Variants in MTMR14 observed in about 807,000 individuals in gnomAD.
MTMR14 encodes the protein myotubularin related protein 14, also known as phosphatidylinositol-3,5-bisphosphate 3-phosphatase MTMR14.
In MTMR14, 48 loss-of-function variants were observed where a neutral mutation model predicts 86.3. The ratio of observed to expected loss-of-function variants is 0.56; its 90% CI spans 0.44 to 0.71. The LOEUF is 0.71. Among genes scored for constraint, MTMR14 ranks in the 30% least tolerant of loss-of-function variants. MTMR14 has a pLI of 0.00. For missense variants in MTMR14, 780 were observed against 834.6 expected, an observed-to-expected ratio of 0.93 and a Z score of 0.81; for synonymous variants, 366 against 326.1, an observed-to-expected ratio of 1.12 and a Z score of -1.32.
At chr3:9,681,530 G>C (rs536812878) in intron 9 of MTMR14, among the ~76,000 whole-genome samples, 6 of 152,284 alleles carry the variant, frequency 3.9e-5, no homozygotes, top group South Asian at 2.1e-4. Flanking sequence ...AATTGGTCTG[G>C]GCCTTTGAAG....
At position 9,683,198 on chromosome 3, in the gene MTMR14, A is replaced by G. The variant is rs2075826888; in HGVS notation, c.918A>G (p.Gln306=). 1 of 1,614,202 alleles carries G rather than the reference A, an allele frequency of 6.2e-7. No individual in the cohort carries two copies. The highest frequency in any genetic ancestry group is 8.5e-7 in the Non-Finnish European group (1 of 1,180,024). Residue 306 remains glutamine (Q), a synonymous_variant, in exon 10 of 19, where the codon CAA becomes CAG. Transcript: ENST00000296003. ...SQYQCWDLVQ[Q]TQNYLKLLLS... ...AACAGTGTTGGGATCTGGTGCAACAAACACAAAACTACCTGAAGCTGCTGC... is the reference window on the plus strand; with the variant it reads ...AACAGTGTTGGGATCTGGTGCAACAGACACAAAACTACCTGAAGCTGCTGC...
At chr3:9,694,842 C>T (rs759024706) in intron 17 of MTMR14, among the ~76,000 whole-genome samples, 7 of 152,140 alleles carry the variant, frequency 4.6e-5, no homozygotes, top group Non-Finnish European at 1.0e-4. Context: ...AGTTGGGAGC[C>T]GGTAGGAACT....
intron 16 of MTMR14, 55 bp downstream of exon 16, chr3:9,689,137 G>C: frequency 1.1e-5 from 17 of 1,598,912 alleles, no homozygotes; most frequent in Non-Finnish European, 1.4e-5. Context: ...GGGGCCATCA[G>C]CACCAGGGAG....
At chr3:9,671,231 G>A in intron 6 of MTMR14, 61 bp downstream of exon 6, 1 of 1,611,444 alleles carries the variant, frequency 6.2e-7, no homozygotes, top group Non-Finnish European at 8.5e-7. Context: ...TGCAGGGCTG[G>A]CGTTAGTATG....
At chr3:9,688,038 G>T in intron 14 of MTMR14, 147 bp downstream of exon 14, 2 of 745,920 alleles carry the variant, frequency 2.7e-6, no homozygotes, top group Non-Finnish European at 4.6e-6. Flanking sequence ...TCTGAGGCCA[G>T]GGTAGGGGTC....
chr3:9,689,338 G>A (rs890604496), intron 16 of MTMR14, among the ~76,000 whole-genome samples: 2 of 152,210 alleles, frequency 1.3e-5, no homozygotes, highest in Non-Finnish European at 2.9e-5. Context: ...GCAGGGTAGG[G>A]CAGGGGTCTG....
rs531916992 is a variant in MTMR14, at chr3:9,678,068, C to T, written c.897+10C>T. The T allele has an allele frequency of 3.8e-5, 62 of 1,613,842 alleles. 4 individuals carry two copies. In the South Asian group the frequency reaches 6.8e-4, roughly 18 times the overall value. On this transcript the variant is annotated intron_variant, in intron 9 of 18. Transcript: ENST00000296003. ...CTGGAGCCAGTATCAGGTGAGGGGC[C>T]TGACTCAAGCATTGAGGGCAGGATA... is the stretch of plus-strand genomic sequence containing the variant.
At chr3:9,684,527 G>A (rs1201494752) in intron 10 of MTMR14, 58 bp from the exon 11 acceptor site, 2 of 1,560,500 alleles carry the variant, frequency 1.3e-6, no homozygotes, top group Admixed American at 3.3e-5. Flanking sequence ...GGTACTTCCT[G>A]CTCATCGGCC....
chr3:9,663,630 T>C (rs1335458456), intron 3 of MTMR14, among the ~76,000 whole-genome samples: 16 of 135,494 alleles, frequency 1.2e-4, no homozygotes, highest in South Asian at 2.5e-4. Context: ...TCTCCTGCCT[T>C]AGCCTCCCGA....
At position 9,653,751 on chromosome 3, in the gene MTMR14, C is replaced by T. The variant is rs575010982; in HGVS notation, c.290C>T (p.Ser97Phe). 2.5e-6 allele frequency: 4 copies of T among 1,614,140 alleles called. No individual in the cohort carries two copies. The East Asian group carries it at 8.9e-5, about 36-fold the overall frequency. ...RHIVFLEYES[S>F]EKEKDTFEST... The stretch of plus-strand genomic sequence containing the variant: ...ATCGTGTTCCTGGAGTATGAGAGTT[C>T]TGAGAAGGAGAAAGACACGTGAGCA... The change falls in exon 2 of 19, where the codon TCT becomes TTT. Residue 97 changes from serine (S) to phenylalanine (F), a missense_variant. By Grantham distance (155) the Ser-to-Phe change is radical. Transcript: ENST00000296003.
rs969909270 is a variant in MTMR14, at chr3:9,686,155, T to C, written c.1164+908T>C. 9.2e-5 allele frequency among the ~76,000 whole-genome samples: 14 copies of C among 152,262 alleles called. No individual in the cohort carries two copies. In the East Asian group the frequency reaches 1.7e-3, roughly 19 times the overall value. On this transcript the variant is annotated intron_variant, in intron 13 of 18. Coordinates refer to ENST00000296003, the MANE Select transcript of MTMR14 (RefSeq NM_001077525.3). The stretch of plus-strand genomic sequence containing the variant: ...TCAGCTGCTCCTCTCCTCTTCCAAA[T>C]CTCTTCTTCTGAACACTTATCGCGT...
Position 9,689,969 on chromosome 3 carries a change from A to G in MTMR14, c.1439A>G (p.Lys480Arg). The change falls in exon 17 of 19, where the codon AAG becomes AGG. Residue 480 changes from lysine (K) to arginine (R), a missense_variant. Coordinates refer to ENST00000296003, the MANE Select transcript of MTMR14 (RefSeq NM_001077525.3). Reference sequence around the variant, plus strand: ...CCCTGCTCCTTCCACTGCAGGAGGAAGAGCCACTCATCCTCTCCACAGAGT... The same window carrying G: ...CCCTGCTCCTTCCACTGCAGGAGGAGGAGCCACTCATCCTCTCCACAGAGT... ...AGAPTQAAWRKSHSSSPQSVL... is the reference protein window; with the variant it reads ...AGAPTQAAWRRSHSSSPQSVL... 1 of 1,609,868 alleles carries G rather than the reference A, an allele frequency of 6.2e-7. No homozygotes were observed. The highest frequency in any genetic ancestry group is 1.1e-5 in the South Asian group (1 of 90,444).
chr3:9,668,878 G>T, intron 4 of MTMR14, 84 bp downstream of exon 4: 2 of 1,394,428 alleles, frequency 1.4e-6, no homozygotes, highest in Non-Finnish European at 2.0e-6. Flanking sequence ...CATGCCTCAC[G>T]CCTGTAATCT....
chr3:9,663,273 G>A (rs552347893), intron 3 of MTMR14, among the ~76,000 whole-genome samples: 30 of 152,166 alleles, frequency 2.0e-4, no homozygotes, highest in Non-Finnish European at 3.4e-4. Context: ...AATGGGGAGA[G>A]TCTGACTGTT....
rs1256555404 is a variant in MTMR14 at position 9,684,494 on chromosome 3, T to G, written c.965-91T>G. ...AAGACAGAAGCTGGTGGGGCCTGGC[T>G]CCCTCCACCAGGCCAAGCTGGTGGT... is the stretch of plus-strand genomic sequence containing the variant. On this transcript the variant is annotated intron_variant, in intron 10 of 18. Coordinates refer to ENST00000296003, the MANE Select transcript of MTMR14 (RefSeq NM_001077525.3). The G allele has an allele frequency of 9.7e-6, 12 of 1,233,446 alleles. No individual in the cohort carries two copies. The East Asian group carries it at 2.3e-4, about 24-fold the overall frequency. 76.4% of individuals were successfully genotyped at this position (1,233,446 alleles called of 1,614,324 possible).
chr3:9,683,035 T>C, intron 9 of MTMR14, 143 bp from the exon 10 acceptor site: 1 of 669,122 alleles, frequency 1.5e-6, no homozygotes, highest in Non-Finnish European at 2.6e-6. Context: ...TGTCCCAGAT[T>C]ATCTGGGATT....
At position 9,649,523 on chromosome 3, in the gene MTMR14, T is replaced by C. The variant is rs2047154087; in HGVS notation, c.-61T>C. 1 of 1,492,304 alleles carries C rather than the reference T, an allele frequency of 6.7e-7. No individual in the cohort carries two copies. The highest frequency in any genetic ancestry group is 8.9e-7 in the Non-Finnish European group (1 of 1,123,940). 92.4% of individuals were successfully genotyped at this position (1,492,304 alleles called of 1,614,324 possible). A position where few individuals can be genotyped will look rare whatever the true frequency, so the allele number is the denominator to read the frequency against. On this transcript the variant is annotated 5_prime_UTR_variant, in exon 1 of 19. Coordinates refer to ENST00000296003, the MANE Select transcript of MTMR14 (RefSeq NM_001077525.3). ...GTTCCGGAGGTTCTAGTGTCGGAGT[T>C]GGGTGCAGGCAGGTGCCATGGGCCC...
At chr3:9,686,169 C>T (rs1247031365) in intron 13 of MTMR14, among the ~76,000 whole-genome samples, 1 of 152,242 alleles carries the variant, frequency 6.6e-6, no homozygotes, top group Non-Finnish European at 1.5e-5. Context: ...TTCTTCTGAA[C>T]ACTTATCGCG....
Position 9,701,821 on chromosome 3 carries a change from C to G in MTMR14, c.1801C>G (p.Leu601Val). ...LAALSDRETR[L>V]QEVRSAFLAA... ...AGCCCTGAGTGATCGAGAGACTCGG[C>G]TGCAGGAGGTGCGCTCAGCCTTCTT... Residue 601 changes from leucine (L) to valine (V), a missense_variant, in exon 19 of 19, where the codon CTG (leucine) becomes GTG (valine). Transcript: ENST00000296003. This position sits in a 1 kb window ranked among gnomAD's most constrained non-coding sequence, Gnocchi z 4.2. 1 of 1,613,776 alleles carries G rather than the reference C, an allele frequency of 6.2e-7. No homozygotes were observed. Among genetic ancestry groups the G allele is most frequent in the Non-Finnish European group, 8.5e-7 (1 of 1,180,036 alleles).
Sources: allele counts gnomAD v4.1 joint callset (sites outside exome capture counted in the v4.1 genomes callset), GRCh38; gene constraint gnomAD v4.1.1; non-coding constraint Gnocchi (gnomAD v3.1); transcripts MANE v1.5; gene names NCBI Gene and HGNC (gene_info 2026-07-23, HGNC 2026-07-21).